STXBP4: variants seen among roughly 807,000 people sequenced by gnomAD.
STXBP4 encodes the protein syntaxin-binding protein 4.
Under a neutral mutation model 76.1 loss-of-function variants are expected in STXBP4, and 55 were observed. That is an observed-to-expected ratio of 0.72 (90% CI 0.58 to 0.91). The LOEUF (loss-of-function observed/expected upper bound fraction) is 0.91, where lower values mean the gene tolerates loss of function less well. STXBP4 is among the 40% of genes least tolerant of loss of function. The probability of loss-of-function intolerance (pLI) is 0.00; values close to 1 mark genes in which losing one functional copy is unlikely to be tolerated. For synonymous variants in STXBP4, 201 were observed against 220.2 expected (o/e 0.91, Z 0.77); for missense variants, 618 against 636.9 (o/e 0.97, Z 0.32).
At chr17:55,077,985 A>G (rs897951328) in intron 13 of STXBP4, 93 bp from the exon 14 acceptor site, 6 of 730,782 alleles carry the variant, frequency 8.2e-6, no homozygotes, top group Non-Finnish European at 1.4e-5. Flanking sequence ...TAATTTGGTA[A>G]TATTGAATAT....
At chr17:55,130,089 C>G (rs2079958171) in intron 16 of STXBP4, among the ~76,000 whole-genome samples, 1 of 152,184 alleles carries the variant, frequency 6.6e-6, no homozygotes, top group Non-Finnish European at 1.5e-5. Context: ...TGGCCCCCAG[C>G]TGATGGCCAG....
At chr17:55,202,487 A>G in the STXBP4 span, among the ~76,000 whole-genome samples, 1 of 151,892 alleles carries the variant, frequency 6.6e-6, no homozygotes, top group East Asian at 1.9e-4. Context: ...TTTTGTGAAA[A>G]CCTAACCAGT....
At chr17:55,060,144 C>T (rs962545663) in intron 12 of STXBP4, among the ~76,000 whole-genome samples, 2 of 152,044 alleles carry the variant, frequency 1.3e-5, no homozygotes, top group Admixed American at 6.6e-5. Context: ...CGTAAAAAAA[C>T]ATAGACTACC....
chr17:54,985,960 T>C (rs991481872), intron 2 of STXBP4, among the ~76,000 whole-genome samples, 182 bp from the exon 3 acceptor site: 1 of 152,202 alleles, frequency 6.6e-6, no homozygotes, highest in Non-Finnish European at 1.5e-5. Flanking sequence ...GTCTTTACAC[T>C]TCTCGGATGT....
chr17:55,074,965 G>A (rs2079162511), intron 13 of STXBP4, among the ~76,000 whole-genome samples: 1 of 151,650 alleles, frequency 6.6e-6, no homozygotes, highest in South Asian at 2.1e-4. Context: ...AAATTCAAGT[G>A]TCTATTTGTA....
intron 12 of STXBP4, among the ~76,000 whole-genome samples, chr17:55,053,185 T>G (rs1001633038): frequency 5.3e-5 from 8 of 151,950 alleles, no homozygotes; most frequent in Non-Finnish European, 7.4e-5. Context: ...ATTCCTAAAT[T>G]TGTTAACTGT....
intron 12 of STXBP4, among the ~76,000 whole-genome samples, chr17:55,069,307 A>G (rs1655316333): frequency 6.6e-6 from 1 of 152,078 alleles, no homozygotes; most frequent in Admixed American, 6.6e-5. Flanking sequence ...TTTATTATCT[A>G]ACCTTCTAAA....
chr17:55,182,315 A>G, the STXBP4 span, among the ~76,000 whole-genome samples: 1 of 152,326 alleles, frequency 6.6e-6, no homozygotes. Flanking sequence ...AAAAGATATA[A>G]CCAAAATTAA....
the STXBP4 span, among the ~76,000 whole-genome samples, chr17:55,183,546 G>A: frequency 1.3e-5 from 2 of 152,216 alleles, no homozygotes; most frequent in African/African-American, 2.4e-5. Context: ...TTGATTAAAT[G>A]TAACTGGACT....
At chr17:55,203,406 G>A in the STXBP4 span, among the ~76,000 whole-genome samples, 1 of 151,910 alleles carries the variant, frequency 6.6e-6, no homozygotes, top group Non-Finnish European at 1.5e-5. Flanking sequence ...TTGCATTGAT[G>A]TCATTTTAAA....
intron 1 of STXBP4, among the ~76,000 whole-genome samples, chr17:54,975,664 A>G (rs1363976554): frequency 6.6e-6 from 1 of 152,182 alleles, no homozygotes; most frequent in Non-Finnish European, 1.5e-5. Flanking sequence ...AGTCAGGTTA[A>G]GTGAAATATG....
chr17:55,194,403 C>T, the STXBP4 span, among the ~76,000 whole-genome samples: 1 of 151,932 alleles, frequency 6.6e-6, no homozygotes, highest in Non-Finnish European at 1.5e-5. Flanking sequence ...TACACTATTC[C>T]GGAACAAGGG....
At chr17:55,179,213 A>G in the STXBP4 span, among the ~76,000 whole-genome samples, 1 of 152,174 alleles carries the variant, frequency 6.6e-6, no homozygotes, top group Non-Finnish European at 1.5e-5. Flanking sequence ...TCATGGCAAG[A>G]GTTACTACCA....
In STXBP4 at chr17:55,165,382, G is replaced by A. The variant is rs984838101; in HGVS notation, c.*5471G>A. 9 of 152,206 alleles carry A rather than the reference G, an allele frequency of 5.9e-5. No homozygotes were observed. Among genetic ancestry groups the A allele is most frequent in the Non-Finnish European group, 1.0e-4 (7 of 68,060 alleles). 9.4% of individuals were successfully genotyped at this position (152,206 alleles called of 1,614,324 possible). On this transcript the variant is annotated 3_prime_UTR_variant, in exon 18 of 18. Coordinates refer to ENST00000376352, the MANE Select transcript of STXBP4 (RefSeq NM_178509.6). ...AAACCTCAATTACATTTGTCCCCTA[G>A]AATGGAAATGATTATGTGGTATGTT...
At chr17:55,046,434 A>G (rs1005966103) in intron 11 of STXBP4, among the ~76,000 whole-genome samples, 5 of 151,976 alleles carry the variant, frequency 3.3e-5, no homozygotes, top group Admixed American at 2.6e-4. Context: ...TCAGGTTTGT[A>G]TTTAATGGCT....
intron 8 of STXBP4, among the ~76,000 whole-genome samples, chr17:55,023,831 C>T (rs1480928359): frequency 2.0e-5 from 3 of 149,594 alleles, no homozygotes; most frequent in Non-Finnish European, 4.4e-5. Flanking sequence ...TTAACATGGC[C>T]TCAAGCCGTT....
chr17:54,992,959 C>T (rs778417155), intron 4 of STXBP4, among the ~76,000 whole-genome samples: 3 of 152,046 alleles, frequency 2.0e-5, no homozygotes, highest in East Asian at 1.9e-4. Context: ...GCGATCCATC[C>T]GCCTCAGCCT....
chr17:55,111,702 C>G (rs2079718274), intron 16 of STXBP4, among the ~76,000 whole-genome samples: 1 of 152,134 alleles, frequency 6.6e-6, no homozygotes, highest in African/African-American at 2.4e-5. Context: ...TCCCCAGAAG[C>G]CAAGCAGATG....
chr17:55,074,392 G>A (rs1048410740), intron 13 of STXBP4, among the ~76,000 whole-genome samples: 1 of 152,048 alleles, frequency 6.6e-6, no homozygotes, highest in African/African-American at 2.4e-5. Flanking sequence ...CAATATTTAG[G>A]AATATTACAT....
Sources: gnomAD v4.1 joint callset for allele counts (sites outside exome capture counted in the v4.1 genomes callset) on GRCh38, gnomAD v4.1.1 for gene constraint, MANE v1.5 for transcripts, NCBI Gene and HGNC (gene_info 2026-07-23, HGNC 2026-07-21) for gene names.